The following PYHIN1 variants were observed in gnomAD, a reference collection of about 807,000 sequenced individuals.
PYHIN1 encodes the protein pyrin and HIN domain family member 1, also known as pyrin and HIN domain-containing protein 1.
In PYHIN1, 32 loss-of-function variants were observed where a neutral mutation model predicts 43.7. The ratio of observed to expected loss-of-function variants is 0.73; its 90% CI spans 0.55 to 0.98. The LOEUF (loss-of-function observed/expected upper bound fraction) is 0.98, where lower values mean the gene tolerates loss of function less well. PYHIN1 is among the 50% of genes least tolerant of loss of function. The pLI, the probability that PYHIN1 is intolerant of heterozygous loss-of-function variation, is 0.00. For synonymous variants in PYHIN1, 205 were observed against 203.1 expected (o/e 1.01, Z -0.08); for missense variants, 588 against 589.5 (o/e 1.00, Z 0.03).
At chr1:158,982,526 T>G in the PYHIN1 span, among the ~76,000 whole-genome samples, 1 of 152,178 alleles carries the variant, frequency 6.6e-6, no homozygotes, top group South Asian at 2.1e-4. Context: ...AGCACCATGC[T>G]ACTTTGGTGA....
intron 7 of PYHIN1, among the ~76,000 whole-genome samples, chr1:158,952,276 C>T (rs553034164): frequency 7.9e-5 from 12 of 152,162 alleles, no homozygotes; most frequent in Non-Finnish European, 1.2e-4. Context: ...TAGCTGGCTG[C>T]GGATTTGTGA....
At chr1:158,949,337 C>G (rs940716231) in intron 7 of PYHIN1, among the ~76,000 whole-genome samples, 1 of 152,116 alleles carries the variant, frequency 6.6e-6, no homozygotes, top group Non-Finnish European at 1.5e-5. Context: ...GACAGACCTC[C>G]CAGCTAAAGT....
chr1:158,974,150 C>T (rs1226813882), intron 8 of PYHIN1, among the ~76,000 whole-genome samples: 6 of 152,008 alleles, frequency 3.9e-5, no homozygotes, highest in Non-Finnish European at 8.8e-5. Context: ...TATTCAAAAT[C>T]CCTGTTTCTT....
intron 7 of PYHIN1, among the ~76,000 whole-genome samples, chr1:158,950,362 G>A (rs550458156): frequency 5.3e-5 from 8 of 152,246 alleles, no homozygotes; most frequent in South Asian, 4.1e-4. Flanking sequence ...GGTAATGTCC[G>A]GGGCTTGTGT....
At chr1:158,948,748 G>C (rs1485461393) in intron 7 of PYHIN1, among the ~76,000 whole-genome samples, 2 of 152,196 alleles carry the variant, frequency 1.3e-5, no homozygotes, top group African/African-American at 4.8e-5. Context: ...AGTCTGACCT[G>C]GGACAGGGGA....
chr1:158,980,289 A>T (rs1484824226), downstream of PYHIN1, among the ~76,000 whole-genome samples: 1 of 152,174 alleles, frequency 6.6e-6, no homozygotes, highest in Non-Finnish European at 1.5e-5. Context: ...GATTGATTGT[A>T]AAACATGTGA....
the PYHIN1 span, among the ~76,000 whole-genome samples, chr1:158,987,518 A>T: frequency 3.9e-5 from 6 of 152,190 alleles, no homozygotes; most frequent in South Asian, 1.2e-3. Context: ...TGATAATGTT[A>T]TTTGATACGT....
intron 7 of PYHIN1, among the ~76,000 whole-genome samples, chr1:158,955,604 T>C (rs1472825741): frequency 3.6e-5 from 5 of 138,300 alleles, no homozygotes; most frequent in Admixed American, 1.5e-4. Flanking sequence ...TTCAAAGCAG[T>C]GTGTAGAGGG....
At chr1:158,985,648 G>A in the PYHIN1 span, among the ~76,000 whole-genome samples, 2 of 152,096 alleles carry the variant, frequency 1.3e-5, no homozygotes, top group South Asian at 4.1e-4. Context: ...GTCATCTTGT[G>A]TAATATCTTG....
At chr1:158,947,657 C>T (rs920526002) in intron 7 of PYHIN1, among the ~76,000 whole-genome samples, 1 of 152,252 alleles carries the variant, frequency 6.6e-6, no homozygotes, top group Non-Finnish European at 1.5e-5. Context: ...AGACCCATCA[C>T]AGACACCAAA....
At chr1:158,955,234 G>A (rs1337997852) in intron 7 of PYHIN1, among the ~76,000 whole-genome samples, 3 of 152,128 alleles carry the variant, frequency 2.0e-5, no homozygotes, top group Non-Finnish European at 4.4e-5. Flanking sequence ...ATTGAACTCA[G>A]CTCTGCACCA....
chr1:158,940,965 C>T (rs1431870257), intron 4 of PYHIN1, among the ~76,000 whole-genome samples: 1 of 152,132 alleles, frequency 6.6e-6, no homozygotes, highest in Non-Finnish European at 1.5e-5. Flanking sequence ...TCATGTGGCT[C>T]CTTGTGATGT....
rs1298719657 is a variant in PYHIN1 at position 158,938,444 on chromosome 1, A to C, written c.313A>C (p.Lys105Gln). ...TCCAGTCAAAGGAATAATCCCATCT[A>C]AAAAGACGAAACAGAAAGAAGTGTA... The part of the protein sequence containing the change: ...SIPVKGIIPS[K>Q]KTKQKEVYPA... The change falls in exon 3 of 9, where the codon AAA (lysine) becomes CAA (glutamine). Residue 105 changes from lysine to glutamine, a missense_variant. By Grantham distance (53) the Lys-to-Gln change is moderately conservative. Transcript: ENST00000368140. The C allele has an allele frequency of 6.2e-7, 1 of 1,614,166 alleles. No individual in the cohort carries two copies. The highest frequency in any genetic ancestry group is 1.1e-5 in the South Asian group (1 of 91,084).
At position 158,942,227 on chromosome 1, in the gene PYHIN1, G is replaced by A. The variant is rs759449990; in HGVS notation, c.830G>A (p.Arg277His). 2.7e-5 allele frequency: 43 copies of A among 1,613,846 alleles called. No individual in the cohort carries two copies. Among genetic ancestry groups the A allele is most frequent in the South Asian group, 4.4e-5 (4 of 91,060 alleles). The stretch of plus-strand genomic sequence containing the variant: ...ATCATTATATCAAATTATTCCAAAC[G>A]TAATAGTCTCCTAGAGGTGAATGAA... ...RIIIISNYSK[R>H]NSLLEVNEAS... The change falls in exon 5 of 9, where the codon CGT becomes CAT. Residue 277 changes from arginine (R) to histidine (H), a missense_variant. Physicochemically the swap from Arg to His is conservative, Grantham distance 29. Transcript: ENST00000368140.
rs1648277723 is a variant in PYHIN1, at chr1:158,933,288, A to G, written c.-21+1512A>G. Among the ~76,000 whole-genome samples, 1 of 151,322 alleles carries G rather than the reference A, an allele frequency of 6.6e-6. No individual in the cohort carries two copies. The highest frequency in any genetic ancestry group is 1.5e-5 in the Non-Finnish European group (1 of 67,746). ...TATGTGTGTATATGAAGATAAATAT[A>G]TTATATAACATTATATTATCATGAA... On this transcript the variant is annotated intron_variant, in intron 1 of 8. Coordinates refer to ENST00000368140, the MANE Select transcript of PYHIN1 (RefSeq NM_152501.5). This position sits in a 1 kb window ranked among gnomAD's most constrained non-coding sequence, Gnocchi z 6.3.
chr1:158,947,306 G>A (rs1649276887), intron 7 of PYHIN1, among the ~76,000 whole-genome samples: 1 of 152,190 alleles, frequency 6.6e-6, no homozygotes, highest in African/African-American at 2.4e-5. Context: ...GAGAGAGATT[G>A]TGGGGATATA....
intron 1 of PYHIN1, among the ~76,000 whole-genome samples, chr1:158,936,307 G>A (rs939869000): frequency 1.9e-4 from 28 of 146,290 alleles, no homozygotes; most frequent in African/African-American, 6.4e-4. Context: ...AAGAACATGC[G>A]GTGTTTGGTT....
intron 7 of PYHIN1, among the ~76,000 whole-genome samples, chr1:158,960,546 G>A (rs980414956): frequency 2.0e-5 from 3 of 152,134 alleles, no homozygotes; most frequent in African/African-American, 4.8e-5. Context: ...ACTACCACCC[G>A]AAAAAAAGAG....
intron 7 of PYHIN1, among the ~76,000 whole-genome samples, chr1:158,963,571 G>A (rs931402503): frequency 6.6e-6 from 1 of 152,206 alleles, no homozygotes; most frequent in Non-Finnish European, 1.5e-5. Context: ...CTGAGAGGGA[G>A]CATGCCCTGC....
Sources: gnomAD v4.1 joint callset for allele counts (sites outside exome capture counted in the v4.1 genomes callset) on GRCh38, gnomAD v4.1.1 for gene constraint, Gnocchi (gnomAD v3.1) non-coding constraint, MANE v1.5 for transcripts, NCBI Gene and HGNC (gene_info 2026-07-23, HGNC 2026-07-21) for gene names.